TBC1D5: variants seen among roughly 807,000 people sequenced by gnomAD.
TBC1D5 encodes the protein TBC1 domain family, member 5.
TBC1D5 carries 75 observed loss-of-function variants against 100.3 expected under a neutral mutation model. The observed-to-expected ratio is 0.75, with a 90% confidence interval of 0.62 to 0.91. The LOEUF (loss-of-function observed/expected upper bound fraction) is 0.91. TBC1D5 is among the 40% of genes least tolerant of loss of function. The probability of loss-of-function intolerance (pLI) is 0.00; values close to 1 mark genes in which losing one functional copy is unlikely to be tolerated. For missense variants in TBC1D5, 910 were observed against 942.4 expected (o/e 0.97, Z 0.45); for synonymous variants, 323 against 325.6 (o/e 0.99, Z 0.09).
At chr3:17,519,583 T>C (rs1055324595) in intron 2 of TBC1D5, among the ~76,000 whole-genome samples, 17 of 152,212 alleles carry the variant, frequency 1.1e-4, no homozygotes, top group Admixed American at 1.1e-3. Context: ...ACTTCTATTG[T>C]GAGGATAGGG....
chr3:17,196,966 C>T (rs1255021636), intron 18 of TBC1D5, among the ~76,000 whole-genome samples: 1 of 152,188 alleles, frequency 6.6e-6, no homozygotes, highest in African/African-American at 2.4e-5. Context: ...TGGGTGAATG[C>T]AGAAAACTCC....
chr3:17,490,436 C>T (rs773858640), intron 3 of TBC1D5, among the ~76,000 whole-genome samples: 6 of 152,160 alleles, frequency 3.9e-5, no homozygotes, highest in Non-Finnish European at 7.3e-5. Flanking sequence ...ATGCTATTAG[C>T]TAGATTTTCT....
intron 7 of TBC1D5, among the ~76,000 whole-genome samples, chr3:17,403,581 T>C (rs1258512120): frequency 6.6e-6 from 1 of 151,834 alleles, no homozygotes; most frequent in African/African-American, 2.4e-5. Flanking sequence ...AAAATACAAA[T>C]CAGAAAAACA....
intron 15 of TBC1D5, among the ~76,000 whole-genome samples, chr3:17,283,348 G>A (rs2080814243): frequency 1.3e-5 from 2 of 152,200 alleles, no homozygotes; most frequent in Admixed American, 6.5e-5. Context: ...TGGAGATCTA[G>A]TACCTGATGC....
In TBC1D5 at chr3:17,185,713, T is replaced by A. The variant is rs367650603; in HGVS notation, c.1753-505A>T. Among the ~76,000 whole-genome samples the A allele has an allele frequency of 7.6e-5, 11 of 144,826 alleles. No individual in the cohort carries two copies. In the South Asian group the frequency reaches 2.0e-3, roughly 26 times the overall value. On this transcript the variant is annotated intron_variant, in intron 18 of 21. Transcript: ENST00000253692. ...AGACTTTGTAAAAATAAAAAAAAAATAAAAAAAAAGACATAGCTCATCATT... is the reference window on the plus strand; with the variant it reads ...AGACTTTGTAAAAATAAAAAAAAAAAAAAAAAAAAGACATAGCTCATCATT...
At chr3:17,164,424 C>T (rs1292451199) in intron 21 of TBC1D5, among the ~76,000 whole-genome samples, 1 of 152,242 alleles carries the variant, frequency 6.6e-6, no homozygotes, top group East Asian at 1.9e-4. Flanking sequence ...GTGGTGCTTA[C>T]ATCTCCAATG....
intron 3 of TBC1D5, among the ~76,000 whole-genome samples, chr3:17,429,210 C>A (rs1005819690): frequency 1.3e-5 from 2 of 151,690 alleles, no homozygotes; most frequent in African/African-American, 4.8e-5. Flanking sequence ...ACATTTAGAA[C>A]AAATTATACA....
chr3:17,675,457 T>C (rs140980103), intron 1 of TBC1D5, among the ~76,000 whole-genome samples: 1 of 152,242 alleles, frequency 6.6e-6, no homozygotes, highest in Admixed American at 6.5e-5. Flanking sequence ...TTTACATGCA[T>C]ACAGCTTCTT....
intron 18 of TBC1D5, among the ~76,000 whole-genome samples, chr3:17,212,180 A>C (rs1689437367): frequency 1.3e-5 from 2 of 152,156 alleles, no homozygotes; most frequent in Non-Finnish European, 2.9e-5. Flanking sequence ...GATCTTATTA[A>C]GATATTAGGT....
rs73161460 is a variant in TBC1D5 at position 17,445,019 on chromosome 3, C to T, written c.98-16500G>A. Reference sequence around the variant, plus strand: ...TCAGTTTTTGAAATGTGAGCATCTGCATTTTGTAACCCTTGACTTAGGTAT... The same window carrying T: ...TCAGTTTTTGAAATGTGAGCATCTGTATTTTGTAACCCTTGACTTAGGTAT... On this transcript the variant is annotated intron_variant, in intron 3 of 21. Coordinates refer to ENST00000253692, the Ensembl canonical transcript of TBC1D5. 5.3e-3 allele frequency among the ~76,000 whole-genome samples: 808 copies of T among 152,248 alleles called. 12 individuals are homozygous for T. The highest frequency in any genetic ancestry group is 0.019 in the African/African-American group (775 of 41,562).
At chr3:17,705,053 G>C (rs1183565242) in intron 1 of TBC1D5, among the ~76,000 whole-genome samples, 1 of 131,094 alleles carries the variant, frequency 7.6e-6, no homozygotes, top group Non-Finnish European at 1.7e-5. Flanking sequence ...GCGGGGGGCT[G>C]ACCCCCCCAC....
chr3:17,378,308 G>T (rs1445165424), intron 9 of TBC1D5, among the ~76,000 whole-genome samples: 1 of 151,396 alleles, frequency 6.6e-6, no homozygotes, highest in Non-Finnish European at 1.5e-5. Flanking sequence ...AGTCTGGTAG[G>T]ATGTATACCA....
At chr3:17,737,162 A>T (rs1352360823) in intron 1 of TBC1D5, among the ~76,000 whole-genome samples, 2 of 152,016 alleles carry the variant, frequency 1.3e-5, no homozygotes, top group Admixed American at 1.3e-4. Flanking sequence ...ATCAGGTGGG[A>T]GCCGTTTTTC....
intron 13 of TBC1D5, among the ~76,000 whole-genome samples, chr3:17,369,488 G>C (rs529488056): frequency 6.6e-6 from 1 of 152,096 alleles, no homozygotes; most frequent in Non-Finnish European, 1.5e-5. Flanking sequence ...AAAAACAAAG[G>C]CTGTTTCATT....
chr3:17,497,127 C>CAT, intron 3 of TBC1D5, among the ~76,000 whole-genome samples: 1 of 150,326 alleles, frequency 6.7e-6, no homozygotes, highest in South Asian at 2.1e-4. Flanking sequence ...CACACACACA[C>CAT]ACACACACAC....
At chr3:17,421,412 T>C (rs572838819) in intron 4 of TBC1D5, among the ~76,000 whole-genome samples, 63 of 152,288 alleles carry the variant, frequency 4.1e-4, no homozygotes, top group African/African-American at 1.5e-3. Flanking sequence ...AGATTAAATA[T>C]AAGAAGCGAT....
exon 1 of TBC1D5, chr3:17,740,524 AG>A (rs888706945): frequency 5.3e-5 from 8 of 152,210 alleles, no homozygotes; most frequent in Admixed American, 4.6e-4. Flanking sequence ...ATAAATAAAA[AG>A]AAAAAAATTA....
chr3:17,479,871 G>A (rs1333806864), intron 3 of TBC1D5, among the ~76,000 whole-genome samples: 2 of 152,150 alleles, frequency 1.3e-5, no homozygotes, highest in African/African-American at 2.4e-5. Context: ...GGACAGGCAG[G>A]GAGCCCCTCT....
intron 8 of TBC1D5, among the ~76,000 whole-genome samples, chr3:17,384,524 C>T (rs2093073456): frequency 6.6e-6 from 1 of 151,870 alleles, no homozygotes; most frequent in African/African-American, 2.4e-5. Context: ...TAAAACACCA[C>T]AACTGCAAGA....
Sources: allele counts gnomAD v4.1 joint callset (sites outside exome capture counted in the v4.1 genomes callset), GRCh38; gene constraint gnomAD v4.1.1; transcripts MANE v1.5; gene names NCBI Gene and HGNC (gene_info 2026-07-23, HGNC 2026-07-21).